Variants in MAGI2 observed in about 807,000 individuals in gnomAD.
The protein encoded by MAGI2 is membrane-associated guanylate kinase, WW and PDZ domain-containing protein 2.
A neutral mutation model predicts 133.3 loss-of-function variants in MAGI2; 35 were observed. The observed-to-expected ratio is 0.26, with a 90% confidence interval of 0.20 to 0.35. The LOEUF (loss-of-function observed/expected upper bound fraction) is 0.35, where lower values mean the gene tolerates loss of function less well. Among genes scored for constraint, MAGI2 ranks in the 10% least tolerant of loss-of-function variants. MAGI2 has a pLI of 1.00. For missense variants in MAGI2, 1,636 were observed against 1,863.4 expected (o/e 0.88, Z 2.25); for synonymous variants, 729 against 710.6 (o/e 1.03, Z -0.41).
chr7:78,327,219 A>G (rs17404500), intron 9 of MAGI2, among the ~76,000 whole-genome samples: 2,706 of 152,236 alleles, frequency 0.018, 42 homozygotes, highest in Non-Finnish European at 0.028. Flanking sequence ...GTCAGGCTCT[A>G]TTCTCCATGG....
chr7:78,281,511 A>AT (rs1352263533), intron 9 of MAGI2, among the ~76,000 whole-genome samples: 2 of 152,086 alleles, frequency 1.3e-5, no homozygotes, highest in African/African-American at 4.8e-5. Flanking sequence ...TTCCACCATG[A>AT]TTGTAAGTTT....
intron 2 of MAGI2, among the ~76,000 whole-genome samples, chr7:78,864,008 G>T (rs1002022729): frequency 1.3e-5 from 2 of 152,210 alleles, no homozygotes; most frequent in Non-Finnish European, 2.9e-5. Context: ...ATGGGAAAAA[G>T]CTGTACAAGG....
intron 3 of MAGI2, among the ~76,000 whole-genome samples, chr7:78,542,037 GC>G (rs1378004137): frequency 2.6e-5 from 4 of 152,296 alleles, no homozygotes; most frequent in South Asian, 4.1e-4. Flanking sequence ...GTTGTCGCAT[GC>G]AGGTAGCTAC....
At chr7:78,396,694 G>A (rs913445674) in intron 6 of MAGI2, among the ~76,000 whole-genome samples, 2 of 152,086 alleles carry the variant, frequency 1.3e-5, no homozygotes, top group African/African-American at 2.4e-5. Context: ...TTGATACAAA[G>A]GAAGTGGTCT....
chr7:78,056,547 C>T (rs1339344812), intron 21 of MAGI2, among the ~76,000 whole-genome samples: 1 of 152,128 alleles, frequency 6.6e-6, no homozygotes, highest in East Asian at 1.9e-4. Flanking sequence ...AGCCATTATC[C>T]TCAGCAAACT....
chr7:78,612,826 C>T (rs914532275), intron 3 of MAGI2, among the ~76,000 whole-genome samples: 36 of 151,948 alleles, frequency 2.4e-4, no homozygotes, highest in Non-Finnish European at 2.9e-5. Context: ...CCCGCCACCA[C>T]GCCCGGCTAA....
chr7:78,480,583 T>G (rs1273717984), intron 6 of MAGI2, among the ~76,000 whole-genome samples: 1 of 151,962 alleles, frequency 6.6e-6, no homozygotes, highest in Non-Finnish European at 1.5e-5. Context: ...ATTTAATATT[T>G]GAAAATCACT....
At chr7:78,255,278 G>A (rs919471379) in intron 10 of MAGI2, 1 of 153,870 alleles carries the variant, frequency 6.5e-6, no homozygotes, top group Non-Finnish European at 1.4e-5. Context: ...CTTTGCCCGG[G>A]ACACTCAGGC....
At chr7:78,610,046 A>G (rs1044620482) in intron 3 of MAGI2, among the ~76,000 whole-genome samples, 1 of 152,140 alleles carries the variant, frequency 6.6e-6, no homozygotes, top group African/African-American at 2.4e-5. Flanking sequence ...GTGGATCACT[A>G]GGGGTGATGG....
intron 1 of MAGI2, among the ~76,000 whole-genome samples, chr7:79,205,532 T>C (rs1052797569): frequency 2.0e-5 from 3 of 151,792 alleles, no homozygotes; most frequent in African/African-American, 7.3e-5. Context: ...ATATGTAATA[T>C]GAAAATATAT....
chr7:78,422,742 G>A (rs111509238), intron 6 of MAGI2, among the ~76,000 whole-genome samples: 4,196 of 152,158 alleles, frequency 0.028, 101 homozygotes, highest in East Asian at 0.069. Context: ...TAAATTCTGC[G>A]CTCTTGAAAG....
chr7:79,294,761 A>T (rs1262542888), intron 1 of MAGI2, among the ~76,000 whole-genome samples: 1 of 105,212 alleles, frequency 9.5e-6, no homozygotes, highest in African/African-American at 3.8e-5. Flanking sequence ...ACGGAATCTC[A>T]CTCTGTTACT....
At chr7:78,627,286 T>C in intron 2 of MAGI2, 47 bp from the exon 3 acceptor site, 1 of 1,432,646 alleles carries the variant, frequency 7.0e-7, no homozygotes, top group East Asian at 2.6e-5. Flanking sequence ...AAGTGATTTG[T>C]TGTTGAACTT....
intron 3 of MAGI2, among the ~76,000 whole-genome samples, chr7:78,572,014 T>C (rs1278629229): frequency 6.6e-6 from 1 of 152,202 alleles, no homozygotes. Context: ...CATTTGGAAG[T>C]GTATATAGAT....
chr7:78,982,871 A>C (rs1804912251), intron 2 of MAGI2, among the ~76,000 whole-genome samples: 1 of 151,910 alleles, frequency 6.6e-6, no homozygotes, highest in Non-Finnish European at 1.5e-5. Context: ...TGGTGCTAGC[A>C]GTTAATTTGT....
At chr7:78,371,030 A>C (rs76142878) in intron 6 of MAGI2, among the ~76,000 whole-genome samples, 8,179 of 151,944 alleles carry the variant, frequency 0.054, 322 homozygotes, top group South Asian at 0.096. Flanking sequence ...TATGCCAGCA[A>C]CTCAGGACTC....
intron 9 of MAGI2, among the ~76,000 whole-genome samples, chr7:78,312,513 C>A (rs1361736591): frequency 2.6e-5 from 4 of 152,136 alleles, no homozygotes; most frequent in African/African-American, 9.7e-5. Flanking sequence ...CTACAAGGAA[C>A]TCAAACAACT....
At chr7:78,020,953 A>G (rs541790362) in intron 21 of MAGI2, among the ~76,000 whole-genome samples, 1 of 152,322 alleles carries the variant, frequency 6.6e-6, no homozygotes, top group Admixed American at 6.5e-5. Context: ...TAGTTCCAAC[A>G]TTTACTTAGG....
intron 6 of MAGI2, among the ~76,000 whole-genome samples, chr7:78,403,000 A>G (rs1797031463): frequency 6.6e-6 from 1 of 152,176 alleles, no homozygotes; most frequent in African/African-American, 2.4e-5. Context: ...AATCAAATTA[A>G]CTTTTTTTTT....
Sources: gnomAD v4.1 joint callset for allele counts (sites outside exome capture counted in the v4.1 genomes callset) on GRCh38, gnomAD v4.1.1 for gene constraint, MANE v1.5 for transcripts, NCBI Gene and HGNC (gene_info 2026-07-23, HGNC 2026-07-21) for gene names.